GRID2: variants seen among roughly 807,000 people sequenced by gnomAD.
The protein encoded by GRID2 is glutamate ionotropic receptor delta type subunit 2.
In GRID2, 33 loss-of-function variants were observed where a neutral mutation model predicts 114.8. The ratio of observed to expected loss-of-function variants is 0.29; its 90% CI spans 0.22 to 0.38. GRID2 has a LOEUF of 0.38. GRID2 is among the 10% of genes least tolerant of loss of function. The pLI is 1.00. For synonymous variants in GRID2, 505 were observed against 449.9 expected (o/e 1.12, Z -1.55); for missense variants, 1,184 against 1,257.7 (o/e 0.94, Z 0.89).
chr4:92,586,405 C>G (rs1560474023), intron 1 of GRID2, among the ~76,000 whole-genome samples: 4 of 150,696 alleles, frequency 2.7e-5, no homozygotes, highest in African/African-American at 9.8e-5. Context: ...TACACACACA[C>G]AGACACCAAG....
intron 8 of GRID2, among the ~76,000 whole-genome samples, chr4:93,241,098 T>A (rs1747457622): frequency 6.6e-6 from 1 of 151,776 alleles, no homozygotes; most frequent in African/African-American, 2.4e-5. Flanking sequence ...TCTTTTAATT[T>A]ATATTGCTGA....
At chr4:92,447,526 C>T (rs1034840476) in intron 1 of GRID2, among the ~76,000 whole-genome samples, 4 of 152,190 alleles carry the variant, frequency 2.6e-5, no homozygotes, top group Admixed American at 2.0e-4. Context: ...ATTTTCCTAT[C>T]TTTGCTTTAT....
intron 13 of GRID2, among the ~76,000 whole-genome samples, chr4:93,607,334 A>G (rs1198879100): frequency 6.6e-6 from 1 of 152,096 alleles, no homozygotes; most frequent in Non-Finnish European, 1.5e-5. Flanking sequence ...TTGCTTTTTA[A>G]TATTCTGCAA....
chr4:92,647,522 C>T (rs1276611793), intron 2 of GRID2, among the ~76,000 whole-genome samples: 2 of 149,346 alleles, frequency 1.3e-5, no homozygotes, highest in Non-Finnish European at 1.5e-5. Flanking sequence ...TATAAAGCCA[C>T]TCTTTATAAG....
chr4:93,314,748 CA>C (rs1341246230), intron 8 of GRID2, among the ~76,000 whole-genome samples: 8 of 151,994 alleles, frequency 5.3e-5, no homozygotes, highest in African/African-American at 1.9e-4. Context: ...ATTTCACACA[CA>C]CACACACACA....
intron 12 of GRID2, among the ~76,000 whole-genome samples, chr4:93,504,340 G>A (rs1195807477): frequency 6.6e-6 from 1 of 151,714 alleles, no homozygotes; most frequent in African/African-American, 2.4e-5. Context: ...AGCCTTGGAG[G>A]GTATATTGAA....
chr4:92,505,095 G>A (rs1723890542), intron 1 of GRID2, among the ~76,000 whole-genome samples: 1 of 151,976 alleles, frequency 6.6e-6, no homozygotes, highest in Non-Finnish European at 1.5e-5. Context: ...AAACTTGAGA[G>A]CTTTTACACT....
At chr4:93,510,507 G>A (rs1170004570) in intron 12 of GRID2, among the ~76,000 whole-genome samples, 3 of 152,090 alleles carry the variant, frequency 2.0e-5, no homozygotes, top group Admixed American at 1.3e-4. Context: ...TTTTAACAAC[G>A]TATTTAATAT....
At chr4:93,617,705 A>G (rs777690512) in intron 13 of GRID2, among the ~76,000 whole-genome samples, 2 of 152,154 alleles carry the variant, frequency 1.3e-5, no homozygotes, top group Non-Finnish European at 2.9e-5. Flanking sequence ...TGGTATCGAG[A>G]TGATACCAAG....
intron 4 of GRID2, among the ~76,000 whole-genome samples, chr4:93,112,475 C>T (rs912508189): frequency 5.3e-5 from 8 of 152,074 alleles, no homozygotes; most frequent in Non-Finnish European, 1.0e-4. Context: ...GTGGCAGTTT[C>T]TGCTGCGCTC....
At chr4:92,494,278 C>G (rs1723284515) in intron 1 of GRID2, among the ~76,000 whole-genome samples, 1 of 151,660 alleles carries the variant, frequency 6.6e-6, no homozygotes, top group Admixed American at 6.6e-5. Context: ...ATGGATTCTC[C>G]TTTTTATAAA....
chr4:93,276,984 G>T (rs1467608274), intron 8 of GRID2, among the ~76,000 whole-genome samples: 1 of 151,688 alleles, frequency 6.6e-6, no homozygotes, highest in African/African-American at 2.4e-5. Context: ...AAAGCAAAAT[G>T]GATTTAAGAA....
intron 1 of GRID2, among the ~76,000 whole-genome samples, chr4:92,366,286 T>C (rs1728863532): frequency 6.6e-6 from 1 of 152,030 alleles, no homozygotes; most frequent in African/African-American, 2.4e-5. Flanking sequence ...TTATCTCAAC[T>C]CCTTGGAATC....
intron 7 of GRID2, among the ~76,000 whole-genome samples, chr4:93,236,232 AC>A (rs1746779470): frequency 6.6e-6 from 1 of 152,046 alleles, no homozygotes; most frequent in Admixed American, 6.6e-5. Context: ...TGAGATATTA[AC>A]AGTGAGCACA....
At chr4:92,857,395 G>GA (rs1236248368) in intron 2 of GRID2, among the ~76,000 whole-genome samples, 1 of 152,136 alleles carries the variant, frequency 6.6e-6, no homozygotes, top group Non-Finnish European at 1.5e-5. Context: ...TAAAGGAAAT[G>GA]AAAAGTGTTA....
intron 3 of GRID2, among the ~76,000 whole-genome samples, chr4:93,096,266 T>C (rs1158655985): frequency 6.6e-6 from 1 of 152,050 alleles, no homozygotes; most frequent in Non-Finnish European, 1.5e-5. Flanking sequence ...AGAACTCTTT[T>C]AGAGGAAAAC....
intron 2 of GRID2, among the ~76,000 whole-genome samples, chr4:92,857,615 G>C (rs1744262789): frequency 6.6e-6 from 1 of 152,154 alleles, no homozygotes; most frequent in Admixed American, 6.5e-5. Flanking sequence ...GCAGAGGTTG[G>C]CTCCTGAGGT....
chr4:93,104,708 T>C (rs986199207), intron 3 of GRID2, among the ~76,000 whole-genome samples: 2 of 152,240 alleles, frequency 1.3e-5, no homozygotes, highest in Non-Finnish European at 2.9e-5. Flanking sequence ...AGTCTATCAT[T>C]GTTGGACATT....
intron 1 of GRID2, among the ~76,000 whole-genome samples, chr4:92,478,572 G>A (rs981408790): frequency 1.3e-5 from 2 of 151,960 alleles, no homozygotes; most frequent in African/African-American, 4.8e-5. Flanking sequence ...ATTAGATTTT[G>A]CACATTTTTT....
Sources: gnomAD v4.1 joint callset for allele counts (sites outside exome capture counted in the v4.1 genomes callset) on GRCh38, gnomAD v4.1.1 for gene constraint, MANE v1.5 for transcripts, NCBI Gene and HGNC (gene_info 2026-07-23, HGNC 2026-07-21) for gene names.